The following FBLN1 variants were observed in gnomAD, a reference collection of about 807,000 sequenced individuals.
FBLN1 encodes fibulin-1.
A neutral mutation model predicts 89.7 loss-of-function variants in FBLN1; 34 were observed. The ratio of observed to expected loss-of-function variants is 0.38; its 90% CI spans 0.29 to 0.50. FBLN1 has a LOEUF of 0.50. Among genes scored for constraint, FBLN1 ranks in the 20% least tolerant of loss-of-function variants. The pLI is 0.92. For synonymous variants in FBLN1, 393 were observed against 391.3 expected, an observed-to-expected ratio of 1.00 and a Z score of -0.05; for missense variants, 777 against 988.1, an observed-to-expected ratio of 0.79 and a Z score of 2.86.
Position 45,557,716 on chromosome 22 carries a change from T to C in FBLN1, c.1697+7101T>C, listed in dbSNP as rs961334284. 3.1e-4 allele frequency among the ~76,000 whole-genome samples: 47 copies of C among 152,346 alleles called. No individual in the cohort carries two copies. Among genetic ancestry groups the C allele is most frequent in the African/African-American group, 1.1e-3 (45 of 41,574 alleles). On this transcript the variant is annotated intron_variant, in intron 14 of 16. Transcript: ENST00000327858. The surrounding 1 kb of genome is among the most constrained non-coding windows in gnomAD (Gnocchi z 4.9). ...GCACTCTCATGTGATACAAATATCT[T>C]CACAGTTTTTGACCACTCAGAGAGG...
At chr22:45,566,162 A>T (rs1393175067) in intron 14 of FBLN1, among the ~76,000 whole-genome samples, 3 of 152,186 alleles carry the variant, frequency 2.0e-5, no homozygotes, top group African/African-American at 4.8e-5. Context: ...GGGATTACTC[A>T]GGCTGGAAGG....
At chr22:45,589,060 GTATTTTTTATATATAAAAA>G (rs66662481) in intron 16 of FBLN1, among the ~76,000 whole-genome samples, 65,315 of 145,970 alleles carry the variant, frequency 0.45, 17,049 homozygotes, top group East Asian at 0.67. Context: ...GCATATATAT[GTATTTTTTATATATAAAAA>G]TATTTTTTAT....
chr22:45,547,309 G>A (rs1405103572), intron 12 of FBLN1, 105 bp downstream of exon 12: 1 of 1,470,402 alleles, frequency 6.8e-7, no homozygotes, highest in East Asian at 2.6e-5. Flanking sequence ...AGCCTGCTGG[G>A]ATTTCTTCAC....
chr22:45,518,486 A>G, intron 1 of FBLN1, 196 bp from the exon 2 acceptor site: 1 of 633,220 alleles, frequency 1.6e-6, no homozygotes, highest in South Asian at 1.7e-5. Flanking sequence ...TCTTCTAGGA[A>G]GGAGTGGGGT....
rs2088848556 is a variant in FBLN1, at chr22:45,561,343, T to C, written c.1697+10728T>C. On this transcript the variant is annotated intron_variant, in intron 14 of 16. Coordinates refer to ENST00000327858, the MANE Select transcript of FBLN1 (RefSeq NM_006486.3). The surrounding 1 kb of genome is among the most constrained non-coding windows in gnomAD (Gnocchi z 4.7). Reference sequence around the variant, plus strand: ...GAAGCTGGGAGATGGAATCCCTGAGTTCATAATTTTCTTTCATCACTTTGT... The same window carrying C: ...GAAGCTGGGAGATGGAATCCCTGAGCTCATAATTTTCTTTCATCACTTTGT... Among the ~76,000 whole-genome samples, 1 of 152,190 alleles carries C rather than the reference T, an allele frequency of 6.6e-6. No homozygotes were observed.
chr22:45,547,269 G>A (rs574640165), intron 12 of FBLN1, 65 bp downstream of exon 12: 51 of 1,602,026 alleles, frequency 3.2e-5, no homozygotes, highest in South Asian at 7.7e-5. Flanking sequence ...ACAGCAGCAC[G>A]GCCTCTGACT....
rs541731361 is a variant in FBLN1 at position 45,583,631 on chromosome 22, G to A, written c.1972+6523G>A. ...GGCTATACCTTCTAGGCCTGATCAGGAAGGAAGCTGGGTTTTGGTGTGCCA... is the reference window on the plus strand; with the variant it reads ...GGCTATACCTTCTAGGCCTGATCAGAAAGGAAGCTGGGTTTTGGTGTGCCA... On this transcript the variant is annotated intron_variant, in intron 16 of 16. Transcript: ENST00000327858. The surrounding 1 kb of genome is among the most constrained non-coding windows in gnomAD (Gnocchi z 4.5). 1.3e-5 allele frequency among the ~76,000 whole-genome samples: 2 copies of A among 152,308 alleles called. No individual in the cohort carries two copies. The highest frequency in any genetic ancestry group is 4.8e-5 in the African/African-American group (2 of 41,566).
At chr22:45,523,860 C>T (rs1390262828) in intron 2 of FBLN1, among the ~76,000 whole-genome samples, 1 of 152,158 alleles carries the variant, frequency 6.6e-6, no homozygotes, top group South Asian at 2.1e-4. Context: ...TTGGGAGGAA[C>T]TGTGCTCCAC....
chr22:45,585,591 A>T (rs979828192), intron 16 of FBLN1, among the ~76,000 whole-genome samples: 2 of 152,174 alleles, frequency 1.3e-5, no homozygotes, highest in African/African-American at 2.4e-5. Context: ...TCTGGGAGAC[A>T]CAGCCCTGTC....
In FBLN1 at chr22:45,600,622, G is replaced by A; in HGVS notation, c.*176G>A. On this transcript the variant is annotated 3_prime_UTR_variant, in exon 17 of 17. Transcript: ENST00000327858. ...TAAGTCCATCTGATGTATTTTCGGT[G>A]TTTAAAAAATGAGCCCAGTTGCTCA... is the stretch of plus-strand genomic sequence containing the variant. The A allele has an allele frequency of 1.3e-6, 1 of 777,168 alleles. No homozygotes were observed. The highest frequency in any genetic ancestry group is 2.2e-6 in the Non-Finnish European group (1 of 458,188). 48.1% of individuals were successfully genotyped at this position (777,168 alleles called of 1,614,324 possible).
At chr22:45,566,703 T>C (rs1461991301) in intron 14 of FBLN1, among the ~76,000 whole-genome samples, 2 of 152,130 alleles carry the variant, frequency 1.3e-5, no homozygotes, top group Non-Finnish European at 2.9e-5. Flanking sequence ...CATTGGAAGG[T>C]AACTGGGTGT....
rs1341042914 is a variant in FBLN1 at position 45,562,569 on chromosome 22, T to A, written c.1698-11942T>A. Among the ~76,000 whole-genome samples, 2 of 151,680 alleles carry A rather than the reference T, an allele frequency of 1.3e-5. No homozygotes were observed. The highest frequency in any genetic ancestry group is 2.9e-5 in the Non-Finnish European group (2 of 67,960). ...GAGCCCTGCGTAGCCCTGGCCACTG[T>A]CTGGGCAAGGGCCTGGGAAGGGCAG... is the stretch of plus-strand genomic sequence containing the variant. On this transcript the variant is annotated intron_variant, in intron 14 of 16. Transcript: ENST00000327858. The surrounding 1 kb of genome is among the most constrained non-coding windows in gnomAD (Gnocchi z 7.8).
rs567829253 is a variant in FBLN1 at position 45,556,248 on chromosome 22, G to T, written c.1697+5633G>T. Among the ~76,000 whole-genome samples the T allele has an allele frequency of 6.6e-6, 1 of 152,068 alleles. No homozygotes were observed. The highest frequency in any genetic ancestry group is 2.4e-5 in the African/African-American group (1 of 41,404). On this transcript the variant is annotated intron_variant, in intron 14 of 16. Transcript: ENST00000327858. This position sits in a 1 kb window ranked among gnomAD's most constrained non-coding sequence, Gnocchi z 4.6. ...TGACCTCAAGTGATCCTCCCGCCTC[G>T]GCCTCCCAAAATGCTGGGATTACAG...
At chr22:45,554,362 C>T (rs946178186) in intron 14 of FBLN1, among the ~76,000 whole-genome samples, 1 of 152,236 alleles carries the variant, frequency 6.6e-6, no homozygotes, top group Admixed American at 6.5e-5. Context: ...CCCGTTTGGC[C>T]TGGACCTGGG....
chr22:45,513,542 C>T (rs1194757021), intron 1 of FBLN1, among the ~76,000 whole-genome samples: 1 of 151,942 alleles, frequency 6.6e-6, no homozygotes, highest in Admixed American at 6.6e-5. Flanking sequence ...GTGTATGGTC[C>T]AATGGTATTA....
intron 2 of FBLN1, among the ~76,000 whole-genome samples, chr22:45,519,765 C>T (rs1331852888): frequency 6.6e-6 from 1 of 152,186 alleles, no homozygotes; most frequent in Non-Finnish European, 1.5e-5. Flanking sequence ...GCCAGTCTGG[C>T]CCCGGGAAGG....
Position 45,600,381 on chromosome 22 carries a change from G to T in FBLN1, c.2047G>T (p.Gly683Trp). Residue 683 changes from glycine to tryptophan, a missense_variant, in exon 17 of 17, where the codon GGG becomes TGG. Physicochemically the swap from Gly to Trp is radical, Grantham distance 184. Transcript: ENST00000327858. ...GAAGCTGGAGATGAACTATGTGGTC[G>T]GGGGCGTGGTCTCCCACCGAAATGT... ...VLKLEMNYVV[G>W]GVVSHRNVVN... 1 of 1,614,100 alleles carries T rather than the reference G, an allele frequency of 6.2e-7. No individual in the cohort carries two copies. The highest frequency in any genetic ancestry group is 1.3e-5 in the African/African-American group (1 of 75,004).
At chr22:45,511,538 C>A (rs756983602) in intron 1 of FBLN1, among the ~76,000 whole-genome samples, 1 of 151,766 alleles carries the variant, frequency 6.6e-6, no homozygotes, top group Non-Finnish European at 1.5e-5. Flanking sequence ...CCTCTGCCTC[C>A]CGGGTTCAAG....
At chr22:45,586,807 C>T (rs538100677) in intron 16 of FBLN1, among the ~76,000 whole-genome samples, 48 of 152,220 alleles carry the variant, frequency 3.2e-4, no homozygotes, top group Non-Finnish European at 4.9e-4. Flanking sequence ...CATCCATTCA[C>T]CCTGGAGTCA....
Sources: gnomAD v4.1 joint callset for allele counts (sites outside exome capture counted in the v4.1 genomes callset) on GRCh38, gnomAD v4.1.1 for gene constraint, Gnocchi (gnomAD v3.1) non-coding constraint, MANE v1.5 for transcripts, NCBI Gene and HGNC (gene_info 2026-07-23, HGNC 2026-07-21) for gene names.